Variants in FAM120B observed in about 807,000 individuals in gnomAD.
FAM120B encodes family with sequence similarity 120 member B.
Under a neutral mutation model 96.3 loss-of-function variants are expected in FAM120B, and 83 were observed. The ratio of observed to expected loss-of-function variants is 0.86; its 90% CI spans 0.72 to 1.03. The LOEUF (loss-of-function observed/expected upper bound fraction) is 1.03, where lower values mean the gene tolerates loss of function less well. FAM120B is among the 50% of genes least tolerant of loss of function. FAM120B has a pLI of 0.00. For missense variants in FAM120B, 1,027 were observed against 1,121.2 expected, an observed-to-expected ratio of 0.92 and a Z score of 1.20; for synonymous variants, 407 against 402.7, an observed-to-expected ratio of 1.01 and a Z score of -0.13.
chr6:170,404,669 A>G, intron 10 of FAM120B, 68 bp downstream of exon 10: 1 of 1,220,066 alleles, frequency 8.2e-7, no homozygotes, highest in Admixed American at 1.7e-5. Flanking sequence ...TAAATCTTCC[A>G]TATCAAGTAC....
At chr6:170,293,396 C>T (rs1220393613), upstream of FAM120B, among the ~76,000 whole-genome samples, 2 of 152,216 alleles carry the variant, frequency 1.3e-5, no homozygotes, top group African/African-American at 4.8e-5. Context: ...AAAAGTTCCA[C>T]GCGCAAGGGC....
At chr6:170,321,817 A>G (rs1785309977) in intron 2 of FAM120B, among the ~76,000 whole-genome samples, 1 of 152,202 alleles carries the variant, frequency 6.6e-6, no homozygotes, top group East Asian at 1.9e-4. Context: ...CCCATTTTCT[A>G]TAGGAAGAAG....
intron 4 of FAM120B, among the ~76,000 whole-genome samples, chr6:170,332,755 C>T (rs988672517): frequency 1.3e-5 from 2 of 152,034 alleles, no homozygotes; most frequent in African/African-American, 2.4e-5. Flanking sequence ...GTCAGGAAAA[C>T]CTGCAAAAGG....
In FAM120B at chr6:170,332,464, G is replaced by A. The variant is rs150928226; in HGVS notation, c.2017+1914G>A. On this transcript the variant is annotated intron_variant, in intron 4 of 10. Coordinates refer to ENST00000476287, the MANE Select transcript of FAM120B (RefSeq NM_032448.3). ...TGTAATCCCAGCACTTTGGGAGGCC[G>A]TGGCAGATGGGTCACCTGAGATCAG... Among the ~76,000 whole-genome samples, 1,334 of 152,296 alleles carry A rather than the reference G, an allele frequency of 8.8e-3. 65 individuals carry two copies. The East Asian group carries it at 0.1, about 12-fold the overall frequency.
chr6:170,404,346 C>A, intron 9 of FAM120B: 1 of 518,680 alleles, frequency 1.9e-6, no homozygotes, highest in Non-Finnish European at 3.4e-6. Flanking sequence ...TTCCACGAAC[C>A]TCTTAATTAA....
At chr6:170,303,734 C>T (rs1259664235), upstream of FAM120B, among the ~76,000 whole-genome samples, 1 of 152,236 alleles carries the variant, frequency 6.6e-6, no homozygotes, top group East Asian at 1.9e-4. Context: ...TATAACACCC[C>T]TTTGGGTTAA....
intron 7 of FAM120B, among the ~76,000 whole-genome samples, chr6:170,389,425 A>G (rs2144245): frequency 0.88 from 133,373 of 152,150 alleles, 58,619 homozygotes; most frequent in East Asian, 0.94. Flanking sequence ...CTTAAATAGG[A>G]TTCAGGACTC....
chr6:170,340,539 G>T (rs1786750474), intron 4 of FAM120B, among the ~76,000 whole-genome samples: 1 of 152,188 alleles, frequency 6.6e-6, no homozygotes, highest in African/African-American at 2.4e-5. Flanking sequence ...GCCCTTGCTG[G>T]AGAGGAGTTG....
At chr6:170,400,690 C>G (rs1402072118) in intron 9 of FAM120B, among the ~76,000 whole-genome samples, 2 of 152,230 alleles carry the variant, frequency 1.3e-5, no homozygotes, top group Middle Eastern at 3.2e-3. Flanking sequence ...GGCATTAATT[C>G]TAACATTTCT....
chr6:170,290,745 C>T (rs1783844271), upstream of FAM120B: 4 of 438,902 alleles, frequency 9.1e-6, no homozygotes, highest in Admixed American at 4.2e-5. This position sits in a 1 kb window ranked among gnomAD's most constrained non-coding sequence, Gnocchi z 4.7. Flanking sequence ...CTCCGGGCTC[C>T]GATCTCCGGT....
At chr6:170,368,818 GCTGGGGGGGGGGCTCCCTC>G (rs1788970270) in intron 6 of FAM120B, among the ~76,000 whole-genome samples, 1 of 65,326 alleles carries the variant, frequency 1.5e-5, no homozygotes, top group East Asian at 3.9e-4. Context: ...GTCTGCCGGG[GCTGGGGGGGGGGCTCCCTC>G]CTGGCTTGCA....
At chr6:170,383,688 T>C (rs1286255680) in intron 6 of FAM120B, among the ~76,000 whole-genome samples, 4 of 152,208 alleles carry the variant, frequency 2.6e-5, no homozygotes, top group Non-Finnish European at 5.9e-5. Flanking sequence ...TACACTAGCC[T>C]CTTACATGGC....
At chr6:170,359,815 T>A (rs1788223264) in intron 6 of FAM120B, among the ~76,000 whole-genome samples, 1 of 152,110 alleles carries the variant, frequency 6.6e-6, no homozygotes, top group Non-Finnish European at 1.5e-5. Context: ...AATGCCAGAT[T>A]TTTTTTTGTA....
chr6:170,352,344 A>G (rs965506801), intron 5 of FAM120B, among the ~76,000 whole-genome samples: 1 of 152,152 alleles, frequency 6.6e-6, no homozygotes, highest in Non-Finnish European at 1.5e-5. Context: ...AGACTTTAAC[A>G]CCCAACTGAC....
intron 8 of FAM120B, among the ~76,000 whole-genome samples, chr6:170,393,192 AG>A (rs913955486): frequency 2.7e-5 from 4 of 150,134 alleles, no homozygotes; most frequent in African/African-American, 9.8e-5. Context: ...ACAGTCCTGC[AG>A]GGTTCCCTCT....
chr6:170,369,867 C>T (rs912624323), intron 6 of FAM120B, among the ~76,000 whole-genome samples: 1 of 152,030 alleles, frequency 6.6e-6, no homozygotes, highest in African/African-American at 2.4e-5. Context: ...CTTGTAGGTA[C>T]TCAATAATTA....
At position 170,363,914 on chromosome 6, in the gene FAM120B, A is replaced by G. The variant is rs1176651408; in HGVS notation, c.2283+5596A>G. ...CACCCAGCTAATTTTTGTATTTTCA[A>G]TAGAGATGGGGTTTTACCATGTTGG... On this transcript the variant is annotated intron_variant, in intron 6 of 10. Transcript: ENST00000476287. The surrounding 1 kb of genome is among the most constrained non-coding windows in gnomAD (Gnocchi z 4.5). Among the ~76,000 whole-genome samples, 9 of 152,082 alleles carry G rather than the reference A, an allele frequency of 5.9e-5. No homozygotes were observed. Among genetic ancestry groups the G allele is most frequent in the East Asian group, 1.9e-4 (1 of 5,192 alleles).
At chr6:170,385,176 CAATA>C (rs544291415) in intron 6 of FAM120B, among the ~76,000 whole-genome samples, 127 of 152,178 alleles carry the variant, frequency 8.3e-4, no homozygotes, top group African/African-American at 2.9e-3. Context: ...TCAGTAATAA[CAATA>C]AGTAAAAATT....
chr6:170,365,366 G>A lies in FAM120B; in HGVS notation c.2283+7048G>A, dbSNP rs142719235. Among the ~76,000 whole-genome samples the A allele has an allele frequency of 5.1e-3, 776 of 152,282 alleles. 4 individuals carry two copies. The highest frequency in any genetic ancestry group is 0.017 in the Middle Eastern group (5 of 294). The stretch of plus-strand genomic sequence containing the variant: ...GTTCATCTGCTGCTTGGTCTGCAGG[G>A]TTCCTTCTCGCCTTACTAGGGATGA... On this transcript the variant is annotated intron_variant, in intron 6 of 10. Coordinates refer to ENST00000476287, the MANE Select transcript of FAM120B (RefSeq NM_032448.3).
Sources: allele counts gnomAD v4.1 joint callset (sites outside exome capture counted in the v4.1 genomes callset), GRCh38; gene constraint gnomAD v4.1.1; non-coding constraint Gnocchi (gnomAD v3.1); transcripts MANE v1.5; gene names NCBI Gene and HGNC (gene_info 2026-07-23, HGNC 2026-07-21).